Variants in RHBDD1 observed in about 807,000 individuals in gnomAD.
RHBDD1 encodes rhomboid domain containing 1.
RHBDD1 carries 38 observed loss-of-function variants against 36.3 expected under a neutral mutation model. The ratio of observed to expected loss-of-function variants is 1.05; its 90% CI spans 0.81 to 1.37. The LOEUF (loss-of-function observed/expected upper bound fraction) is 1.37. Among genes scored for constraint, RHBDD1 ranks in the 40% most tolerant of loss-of-function variants. The pLI, the probability that RHBDD1 is intolerant of heterozygous loss-of-function variation, is 0.00. For missense variants in RHBDD1, 393 were observed against 377.6 expected (o/e 1.04, Z -0.34); for synonymous variants, 151 against 136.5 (o/e 1.11, Z -0.74).
chr2:226,960,335 A>G (rs949802095), intron 8 of RHBDD1, among the ~76,000 whole-genome samples: 23 of 152,184 alleles, frequency 1.5e-4, no homozygotes, highest in Non-Finnish European at 2.9e-4. Flanking sequence ...TATGTTGAAC[A>G]TCTTTTCTTG....
At chr2:226,873,878 A>G (rs1421985576) in intron 5 of RHBDD1, among the ~76,000 whole-genome samples, 6 of 152,136 alleles carry the variant, frequency 3.9e-5, no homozygotes, top group Admixed American at 6.6e-5. Context: ...TCACACTGCT[A>G]TAAAGAATAT....
intron 8 of RHBDD1, among the ~76,000 whole-genome samples, chr2:226,962,686 A>C (rs1353459996): frequency 6.6e-6 from 1 of 152,264 alleles, no homozygotes; most frequent in African/African-American, 2.4e-5. Flanking sequence ...GAAAGAAACA[A>C]GAAAATGAGA....
intron 3 of RHBDD1, among the ~76,000 whole-genome samples, chr2:226,861,751 C>T (rs1370016372): frequency 6.6e-6 from 1 of 152,146 alleles, no homozygotes; most frequent in Admixed American, 6.5e-5. Context: ...CGTGTGCACA[C>T]ATATTGATAA....
chr2:226,917,691 CT>C (rs1268842508), intron 8 of RHBDD1, among the ~76,000 whole-genome samples: 1 of 151,840 alleles, frequency 6.6e-6, no homozygotes, highest in East Asian at 1.9e-4. Flanking sequence ...TTTTTCTTCC[CT>C]TTTTTTCCTT....
At chr2:226,894,455 G>T (rs1946935379) in intron 5 of RHBDD1, among the ~76,000 whole-genome samples, 1 of 152,098 alleles carries the variant, frequency 6.6e-6, no homozygotes, top group Admixed American at 6.6e-5. Context: ...ATTTTTAGTA[G>T]AGATGGGGTT....
intron 5 of RHBDD1, among the ~76,000 whole-genome samples, chr2:226,885,229 G>C (rs953827849): frequency 6.6e-6 from 1 of 151,972 alleles, no homozygotes; most frequent in African/African-American, 2.4e-5. Context: ...CTTTTGATGG[G>C]GCTGTACATT....
chr2:226,865,669 GT>G (rs1429629561), intron 4 of RHBDD1, among the ~76,000 whole-genome samples: 1 of 152,164 alleles, frequency 6.6e-6, no homozygotes, highest in African/African-American at 2.4e-5. Flanking sequence ...CACTGTGTGT[GT>G]TCCTTGCATG....
intron 8 of RHBDD1, among the ~76,000 whole-genome samples, chr2:226,968,786 G>A (rs557939422): frequency 1.3e-5 from 2 of 152,302 alleles, no homozygotes; most frequent in East Asian, 3.9e-4. Flanking sequence ...AGGCATGAAA[G>A]TATAATCGGT....
rs1574949647 is a variant in RHBDD1 at position 226,884,488 on chromosome 2, C to G, written c.566+17170C>G. On this transcript the variant is annotated intron_variant, in intron 5 of 8. Transcript: ENST00000392062. ...TATCTCTCCTTAAATGGACATTGTT[C>G]CCCCCTGAATTCAAGAGGAGAGCAT... Among the ~76,000 whole-genome samples, 3 of 152,054 alleles carry G rather than the reference C, an allele frequency of 2.0e-5. No homozygotes were observed. In the South Asian group the frequency reaches 6.2e-4, roughly 32 times the overall value.
intron 8 of RHBDD1, among the ~76,000 whole-genome samples, chr2:226,942,227 G>T (rs1466750527): frequency 6.7e-6 from 1 of 149,188 alleles, no homozygotes; most frequent in East Asian, 2.0e-4. Flanking sequence ...AGTTAGATTG[G>T]CTGTCGTGAT....
At chr2:226,975,467 G>A (rs563524905) in intron 8 of RHBDD1, among the ~76,000 whole-genome samples, 13 of 152,236 alleles carry the variant, frequency 8.5e-5, no homozygotes, top group African/African-American at 3.1e-4. Context: ...ACTCCTAGAG[G>A]GAGCAACTTC....
intron 3 of RHBDD1, among the ~76,000 whole-genome samples, chr2:226,840,056 T>C (rs1941438777): frequency 6.6e-6 from 1 of 152,226 alleles, no homozygotes; most frequent in Non-Finnish European, 1.5e-5. Context: ...TAATTTCAAA[T>C]GCTAAGTATT....
rs1446239489 is a variant in RHBDD1, at chr2:226,970,816, A to G, written c.857-24615A>G. Reference sequence around the variant, plus strand: ...ACTTTCTTCAGTATTTCACAAGGCAATCTTGGCAGCTGGTGTGTGCCTCGG... The same window carrying G: ...ACTTTCTTCAGTATTTCACAAGGCAGTCTTGGCAGCTGGTGTGTGCCTCGG... On this transcript the variant is annotated intron_variant, in intron 8 of 8. Coordinates refer to ENST00000392062, the MANE Select transcript of RHBDD1 (RefSeq NM_001167608.3). Among the ~76,000 whole-genome samples the G allele has an allele frequency of 3.9e-5, 6 of 152,196 alleles. No homozygotes were observed. In the East Asian group the frequency reaches 1.2e-3, roughly 29 times the overall value.
chr2:226,822,322 T>C, the RHBDD1 span, among the ~76,000 whole-genome samples: 1 of 148,384 alleles, frequency 6.7e-6, no homozygotes, highest in Non-Finnish European at 1.5e-5. Flanking sequence ...TGGGGATGCT[T>C]GCTCTTTTGC....
the RHBDD1 span, among the ~76,000 whole-genome samples, chr2:226,808,093 C>T: frequency 1.3e-5 from 2 of 151,826 alleles, no homozygotes; most frequent in Non-Finnish European, 2.9e-5. Flanking sequence ...CAGAAGCAGA[C>T]CTCATAAAAG....
chr2:226,967,779 G>A (rs1019957782), intron 8 of RHBDD1, among the ~76,000 whole-genome samples: 4 of 152,118 alleles, frequency 2.6e-5, no homozygotes, highest in African/African-American at 9.7e-5. Flanking sequence ...GTGTGTGTGA[G>A]AGGGCTTTTG....
chr2:226,995,675 GC>G lies in RHBDD1; in HGVS notation c.*157del, dbSNP rs957469514. Reference sequence around the variant, plus strand: ...TCACATCACCTGGGACAGTCCCATGGCCCCTATGAGTCAACTCACAGCTTGC... The same window carrying G: ...TCACATCACCTGGGACAGTCCCATGGCCCTATGAGTCAACTCACAGCTTGC... On this transcript the variant is annotated 3_prime_UTR_variant, in exon 9 of 9. Transcript: ENST00000392062. The G allele has an allele frequency of 8.0e-6, 5 of 627,236 alleles. No homozygotes were observed. In the African/African-American group the frequency reaches 9.3e-5, roughly 12 times the overall value. 38.9% of individuals were successfully genotyped at this position (627,236 alleles called of 1,614,324 possible). A position where few individuals can be genotyped will look rare whatever the true frequency, so the allele number is the denominator to read the frequency against.
At chr2:226,806,072 ATC>A in the RHBDD1 span, among the ~76,000 whole-genome samples, 4 of 151,642 alleles carry the variant, frequency 2.6e-5, no homozygotes, top group South Asian at 6.3e-4. Context: ...GTTAACGAAC[ATC>A]TCTCTCTCTC....
chr2:226,843,157 TAAG>T (rs1941852366), intron 3 of RHBDD1, among the ~76,000 whole-genome samples: 1 of 152,216 alleles, frequency 6.6e-6, no homozygotes. Context: ...CTTATCAGCT[TAAG>T]AAGCTTTTGG....
Sources: allele counts gnomAD v4.1 joint callset (sites outside exome capture counted in the v4.1 genomes callset), GRCh38; gene constraint gnomAD v4.1.1; transcripts MANE v1.5; gene names NCBI Gene and HGNC (gene_info 2026-07-23, HGNC 2026-07-21).